The following DEAF1 variants were observed in gnomAD, a reference collection of about 807,000 sequenced individuals.
DEAF1 encodes deformed epidermal autoregulatory factor 1 homolog.
A neutral mutation model predicts 58.9 loss-of-function variants in DEAF1; 53 were observed. The observed-to-expected ratio is 0.90, with a 90% CI of 0.72 to 1.13. The LOEUF is 1.13. Ranked by LOEUF, DEAF1 falls within the 50% of genes most tolerant of loss-of-function variation. The probability of loss-of-function intolerance (pLI) is 0.00; values close to 1 mark genes in which losing one functional copy is unlikely to be tolerated. For synonymous variants in DEAF1, 385 were observed against 340.4 expected (o/e 1.13, Z -1.44); for missense variants, 685 against 791.4 (o/e 0.87, Z 1.61).
At chr11:699,218 A>AT (rs1283702253), upstream of DEAF1, 3 of 415,562 alleles carry the variant, frequency 7.2e-6, no homozygotes, top group Non-Finnish European at 1.3e-5. Flanking sequence ...ATTTTATTTT[A>AT]TTTTTGTTTG....
chr11:685,866 C>T (rs190181295), intron 5 of DEAF1, among the ~76,000 whole-genome samples: 132 of 151,476 alleles, frequency 8.7e-4, no homozygotes, highest in African/African-American at 3.1e-3. Flanking sequence ...AAAATTAGGC[C>T]GGGTATTGTG....
intron 10 of DEAF1, 109 bp downstream of exon 10, chr11:674,427 G>T: frequency 6.8e-7 from 1 of 1,465,748 alleles, no homozygotes; most frequent in South Asian, 1.1e-5. Context: ...AGAAAGGTGG[G>T]GCAGGGGCCT....
In DEAF1 at chr11:660,520, C is replaced by T. The variant is rs368259821; in HGVS notation, c.1504-6469G>A. On this transcript the variant is annotated intron_variant, in intron 10 of 11. Transcript: ENST00000382409. ...CCTCCCACCACAACACCCCTGGCTCCCTCGGGGGACTCCAAGCCTGCATTT... is the reference window on the plus strand; with the variant it reads ...CCTCCCACCACAACACCCCTGGCTCTCTCGGGGGACTCCAAGCCTGCATTT... 9.6e-4 allele frequency among the ~76,000 whole-genome samples: 147 copies of T among 152,368 alleles called. 1 individual carries two copies. Among genetic ancestry groups the T allele is most frequent in the African/African-American group, 3.3e-3 (139 of 41,596 alleles).
chr11:703,319 G>A, intron 1 of DEAF1: 1 of 1,414,734 alleles, frequency 7.1e-7, no homozygotes, highest in Non-Finnish European at 9.2e-7. Flanking sequence ...CAGGAGCCAG[G>A]GCAGAACAAA....
rs1564957519 is a variant in DEAF1, at chr11:695,179, G to C, written c.-132C>G. 3 of 828,550 alleles carry C rather than the reference G, an allele frequency of 3.6e-6. No homozygotes were observed. The highest frequency in any genetic ancestry group is 5.0e-6 in the Non-Finnish European group (3 of 603,808). 51.3% of individuals were successfully genotyped at this position (828,550 alleles called of 1,614,324 possible). On this transcript the variant is annotated 5_prime_UTR_variant, in exon 1 of 12. Coordinates refer to ENST00000382409, the MANE Select transcript of DEAF1 (RefSeq NM_021008.4). ...CGCCCGAAGCCGCCGCCCGAATAGGGACCGAAAAGGCAGCCAGCCGCCGAG... is the reference window on the plus strand; with the variant it reads ...CGCCCGAAGCCGCCGCCCGAATAGGCACCGAAAAGGCAGCCAGCCGCCGAG...
chr11:692,088 C>T (rs1860860992), intron 1 of DEAF1, among the ~76,000 whole-genome samples: 1 of 152,150 alleles, frequency 6.6e-6, no homozygotes, highest in African/African-American at 2.4e-5. Flanking sequence ...CGGCCCCATG[C>T]TCACAGCCAT....
rs1860340162 is a variant in DEAF1 at position 681,036 on chromosome 11, T to C, written c.924A>G (p.Glu308=). ...CCTTCTTCACGGGAGTTGTGGGCAG[T>C]TCATTCTCCTTCTTGCGCCTTTTGT... ...VPYKRRKKEN[E]LPTTPVKKDS... is the part of the protein sequence containing the mutation. Residue 308 remains glutamate (E), a synonymous_variant, in exon 7 of 12, where the codon GAA becomes GAG. Transcript: ENST00000382409. The C allele has an allele frequency of 1.2e-6, 2 of 1,614,006 alleles. No homozygotes were observed. Among genetic ancestry groups the C allele is most frequent in the Admixed American group, 1.7e-5 (1 of 59,988 alleles).
rs772902458 is a variant in DEAF1 at position 688,126 on chromosome 11, ACACCACCTCCCCGGCAG to A, written c.518-86_518-70del. 2 of 1,604,034 alleles carry A rather than the reference ACACCACCTCCCCGGCAG, an allele frequency of 1.2e-6. No homozygotes were observed. The highest frequency in any genetic ancestry group is 1.7e-6 in the Non-Finnish European group (2 of 1,173,214). Reference sequence around the variant, plus strand: ...GAAGCATAGTACACTCTCATCTCAGACACCACCTCCCCGGCAGCGCCACCTCCTTCAACGGCGGAAAA... The same window carrying A: ...GAAGCATAGTACACTCTCATCTCAGACGCCACCTCCTTCAACGGCGGAAAA... On this transcript the variant is annotated intron_variant, in intron 3 of 11. Transcript: ENST00000382409. The surrounding 1 kb of genome is among the most constrained non-coding windows in gnomAD (Gnocchi z 4.3).
At chr11:673,303 G>A (rs1859912611) in intron 10 of DEAF1, among the ~76,000 whole-genome samples, 1 of 152,102 alleles carries the variant, frequency 6.6e-6, no homozygotes, top group Non-Finnish European at 1.5e-5. Context: ...GAGGCGGGTG[G>A]ATCACCTGAG....
At chr11:674,396 C>G (rs1013942250) in intron 10 of DEAF1, 140 bp downstream of exon 10, 1 of 1,168,116 alleles carries the variant, frequency 8.6e-7, no homozygotes, top group South Asian at 1.2e-5. Context: ...TTGTAAATGA[C>G]TCTCCACAGC....
chr11:702,268 G>C (rs543647082), intron 1 of DEAF1, among the ~76,000 whole-genome samples: 5 of 152,348 alleles, frequency 3.3e-5, no homozygotes, highest in South Asian at 2.1e-4. Flanking sequence ...AGAACCTCTA[G>C]AGCTTGCCCC....
At chr11:656,175 A>T (rs1214763566) in intron 10 of DEAF1, among the ~76,000 whole-genome samples, 20 of 111,334 alleles carry the variant, frequency 1.8e-4, no homozygotes, top group Admixed American at 4.3e-4. Context: ...TTTTTTTTTG[A>T]GATGGAGTCT....
chr11:666,151 G>GGAT, intron 10 of DEAF1: 1 of 152,228 alleles, frequency 6.6e-6, no homozygotes, highest in Non-Finnish European at 1.5e-5. Flanking sequence ...CCAAGACTAA[G>GGAT]GATGTGTCAG....
intron 6 of DEAF1, 106 bp downstream of exon 6, chr11:684,792 G>A (rs1478023533): frequency 9.4e-6 from 9 of 955,512 alleles, no homozygotes; most frequent in African/African-American, 1.6e-5. Flanking sequence ...CTCTCTCCAA[G>A]GCAGAGGGCA....
At chr11:699,972 G>C, upstream of DEAF1, 2 of 586,412 alleles carry the variant, frequency 3.4e-6, no homozygotes, top group Non-Finnish European at 6.1e-6. Flanking sequence ...CACATTGGCA[G>C]CCAGCATAGT....
At position 644,344 on chromosome 11, in the gene DEAF1, C is replaced by T. The variant is rs548401481; in HGVS notation, c.*206G>A. 2.2e-5 allele frequency: 14 copies of T among 624,140 alleles called. No homozygotes were observed. Among genetic ancestry groups the T allele is most frequent in the South Asian group, 3.7e-5 (2 of 54,446 alleles). 38.7% of individuals were successfully genotyped at this position (624,140 alleles called of 1,614,324 possible). Reference sequence around the variant, plus strand: ...ATCCCAGGGATAAAAAATCTGTCCGCGAGCGGGCAGGGGGCCCGGGCAGGG... The same window carrying T: ...ATCCCAGGGATAAAAAATCTGTCCGTGAGCGGGCAGGGGGCCCGGGCAGGG... On this transcript the variant is annotated 3_prime_UTR_variant, in exon 12 of 12. Coordinates refer to ENST00000382409, the MANE Select transcript of DEAF1 (RefSeq NM_021008.4). The surrounding 1 kb of genome is among the most constrained non-coding windows in gnomAD (Gnocchi z 4.3).
At chr11:674,490 G>C (rs755787239) in intron 10 of DEAF1, 46 bp downstream of exon 10, 1 of 1,612,806 alleles carries the variant, frequency 6.2e-7, no homozygotes, top group South Asian at 1.1e-5. Context: ...GGGTGGCCTG[G>C]GGTTACTCGG....
At chr11:662,643 G>A (rs1329589233) in intron 10 of DEAF1, among the ~76,000 whole-genome samples, 2 of 152,154 alleles carry the variant, frequency 1.3e-5, no homozygotes, top group South Asian at 2.1e-4. Context: ...CCTCACCCCC[G>A]AGCCCTCGTA....
chr11:695,985 C>A, upstream of DEAF1: 1 of 715,976 alleles, frequency 1.4e-6, no homozygotes. Flanking sequence ...AGCTCCGTCA[C>A]CCCATCGAGA....
Sources: gnomAD v4.1 joint callset for allele counts (sites outside exome capture counted in the v4.1 genomes callset) on GRCh38, gnomAD v4.1.1 for gene constraint, Gnocchi (gnomAD v3.1) non-coding constraint, MANE v1.5 for transcripts, NCBI Gene and HGNC (gene_info 2026-07-23, HGNC 2026-07-21) for gene names.